The following SETD9 variants were observed in gnomAD, a reference collection of about 807,000 sequenced individuals.
SETD9 encodes the protein SET domain-containing protein 9.
A neutral mutation model predicts 36.4 loss-of-function variants in SETD9; 37 were observed. That is an observed-to-expected ratio of 1.02 (90% CI 0.78 to 1.34). The LOEUF is 1.34. Ranked by LOEUF, SETD9 falls within the 40% of genes most tolerant of loss-of-function variation. SETD9 has a pLI of 0.00. For synonymous variants in SETD9, 128 were observed against 132.9 expected (o/e 0.96, Z 0.26); for missense variants, 323 against 353.2 (o/e 0.91, Z 0.69).
At chr5:56,914,724 A>T in intron 4 of SETD9, 137 bp from the exon 5 acceptor site, 2 of 419,472 alleles carry the variant, frequency 4.8e-6, no homozygotes, top group Non-Finnish European at 8.3e-6. Context: ...CTCTGACAGT[A>T]CCTGGAACAT....
chr5:56,928,618 T>G (rs1399609793), downstream of SETD9: 2 of 531,016 alleles, frequency 3.8e-6, no homozygotes, highest in African/African-American at 3.9e-5. Context: ...GTGGCATCTC[T>G]GAGCAAATTA....
At chr5:56,923,826 T>C (rs1749812224) in intron 5 of SETD9, 3 of 1,614,080 alleles carry the variant, frequency 1.9e-6, no homozygotes, top group Non-Finnish European at 2.5e-6. Context: ...AAACGATCCA[T>C]ATAGTCCCTG....
chr5:56,911,807 C>T (rs1426603851), intron 2 of SETD9, among the ~76,000 whole-genome samples: 1 of 152,072 alleles, frequency 6.6e-6, no homozygotes, highest in Non-Finnish European at 1.5e-5. Context: ...ATAGTATGAC[C>T]CACTTTGACA....
downstream of SETD9, among the ~76,000 whole-genome samples, chr5:56,918,668 G>A (rs566020392): frequency 6.6e-6 from 1 of 152,314 alleles, no homozygotes; most frequent in African/African-American, 2.4e-5. Context: ...AGCCCTATGT[G>A]CTAAGGTCCT....
chr5:56,921,226 A>G (rs1402711387), downstream of SETD9: 1 of 152,586 alleles, frequency 6.6e-6, no homozygotes, highest in Non-Finnish European at 1.5e-5. Context: ...AATTAAGGTT[A>G]TAACAATGGA....
chr5:56,914,890 T>G lies in SETD9; in HGVS notation c.736T>G (p.Phe246Val). ...AGCAGCTAATGTCTGTTATCAGGAATTTGATGTGCCTGCAGTTTTCCCTAT... is the reference window on the plus strand; with the variant it reads ...AGCAGCTAATGTCTGTTATCAGGAAGTTGATGTGCCTGCAGTTTTCCCTAT... ...DRAANVCYQE[F>V]DVPAVFPIEL... The change falls in exon 5 of 6, where the codon TTT becomes GTT. Residue 246 changes from phenylalanine to valine, a missense_variant. Coordinates refer to ENST00000285947, the MANE Select transcript of SETD9 (RefSeq NM_153706.4). 1 of 1,601,438 alleles carries G rather than the reference T, an allele frequency of 6.2e-7. No individual in the cohort carries two copies. Among genetic ancestry groups the G allele is most frequent in the Middle Eastern group, 1.7e-4 (1 of 6,000 alleles).
chr5:56,927,328 A>G (rs1204071822), downstream of SETD9, among the ~76,000 whole-genome samples: 1 of 152,126 alleles, frequency 6.6e-6, no homozygotes, highest in East Asian at 1.9e-4. Flanking sequence ...TATAATAATA[A>G]CTATAGGAGT....
Position 56,910,128 on chromosome 5 carries a change from G to A in SETD9, c.98+385G>A, listed in dbSNP as rs1749035328. The A allele has an allele frequency of 6.5e-6, 8 of 1,236,168 alleles. No individual in the cohort carries two copies. In the South Asian group the frequency reaches 1.2e-4, roughly 19 times the overall value. 76.6% of individuals were successfully genotyped at this position (1,236,168 alleles called of 1,614,324 possible). A position where few individuals can be genotyped will look rare whatever the true frequency, so the allele number is the denominator to read the frequency against. The stretch of plus-strand genomic sequence containing the variant: ...TGTTGCGTTCGGCACTGACTGGGGA[G>A]CTTGTATCTGGGCAAAAATGGAAAC... On this transcript the variant is annotated intron_variant, in intron 1 of 5. Transcript: ENST00000285947.
chr5:56,923,143 G>A (rs780977414), intron 5 of SETD9: 49 of 1,613,624 alleles, frequency 3.0e-5, no homozygotes, highest in East Asian at 4.5e-5. Flanking sequence ...CAGAGTGTAG[G>A]GCCGCGTGCT....
In SETD9 at chr5:56,909,735, C is replaced by T. The variant is rs199504019; in HGVS notation, c.90C>T (p.His30=). The T allele has an allele frequency of 1.6e-5, 25 of 1,610,406 alleles. No individual in the cohort carries two copies. In the East Asian group the frequency reaches 4.9e-4, roughly 32 times the overall value. ...CCTGGATCGCACTGAACCTAAGCCA[C>T]AACCCGAGGTGAGAGGGCGGGACGG... ...FVPWIALNLS[H]NPRTLRYVPE... The change falls in exon 1 of 6, where the codon CAC becomes CAT. Residue 30 remains histidine, a synonymous_variant. Transcript: ENST00000285947.
At chr5:56,915,746 T>C (rs1749393023) in intron 5 of SETD9, among the ~76,000 whole-genome samples, 1 of 151,170 alleles carries the variant, frequency 6.6e-6, no homozygotes, top group African/African-American at 2.4e-5. Flanking sequence ...GGTGGATTGC[T>C]TGAGCACAGG....
At chr5:56,911,593 A>G in intron 2 of SETD9, 57 bp downstream of exon 2, 2 of 1,469,844 alleles carry the variant, frequency 1.4e-6, no homozygotes, top group Non-Finnish European at 1.8e-6. Flanking sequence ...GATAAACATA[A>G]GTTCAGTAAC....
chr5:56,911,045 C>T, intron 1 of SETD9, 124 bp from the exon 2 acceptor site: 4 of 1,129,886 alleles, frequency 3.5e-6, no homozygotes, highest in Non-Finnish European at 4.9e-6. Context: ...AACTTAGTTT[C>T]CAGCCCTCCA....
In SETD9 at chr5:56,911,447, A is replaced by C. The variant is rs1194527438; in HGVS notation, c.377A>C (p.Gln126Pro). ...LYKTLGFSVA[Q>P]ATSSLISAGK... ...AAGACTTTGGGTTTCAGTGTTGCCC[A>C]AGCAACTAGCTCATTGATTTCTGCT... Residue 126 changes from glutamine to proline, a missense_variant, in exon 2 of 6, where the codon CAA (glutamine) becomes CCA (proline). Physicochemically the swap from Gln to Pro is moderately conservative, Grantham distance 76. Coordinates refer to ENST00000285947, the MANE Select transcript of SETD9 (RefSeq NM_153706.4). The C allele has an allele frequency of 1.2e-6, 2 of 1,612,328 alleles. No homozygotes were observed. The highest frequency in any genetic ancestry group is 2.7e-5 in the African/African-American group (2 of 74,798).
chr5:56,909,809 G>T (rs926357907), intron 1 of SETD9, 66 bp downstream of exon 1: 45 of 1,472,504 alleles, frequency 3.1e-5, no homozygotes, highest in Admixed American at 3.7e-5. Flanking sequence ...CCACGGCGGC[G>T]GGACGCAAAG....
In SETD9 at chr5:56,911,123, T is replaced by C. The variant is rs1749095423; in HGVS notation, c.99-46T>C. The C allele has an allele frequency of 4.7e-6, 7 of 1,496,502 alleles. No homozygotes were observed. The South Asian group carries it at 1.0e-4, about 22-fold the overall frequency. The allele number at this position is 1,496,502 out of a possible 1,614,324, so 92.7% of individuals were successfully genotyped here. A position where few individuals can be genotyped will look rare whatever the true frequency, so the allele number is the denominator to read the frequency against. On this transcript the variant is annotated intron_variant, in intron 1 of 5. Coordinates refer to ENST00000285947, the MANE Select transcript of SETD9 (RefSeq NM_153706.4). ...CAGAAGTTATGCAGGTAAGTTTGGCTTTTATCAGTTGAAGGGTAGTGAATA... is the reference window on the plus strand; with the variant it reads ...CAGAAGTTATGCAGGTAAGTTTGGCCTTTATCAGTTGAAGGGTAGTGAATA...
At chr5:56,918,994 CAAATAAT>C (rs1330445344), downstream of SETD9, among the ~76,000 whole-genome samples, 1 of 152,072 alleles carries the variant, frequency 6.6e-6, no homozygotes, top group African/African-American at 2.4e-5. Flanking sequence ...TGTAGTCTGT[CAAATAAT>C]AATAATATTT....
chr5:56,909,402 G>A (rs1187099075), upstream of SETD9: 1 of 404,282 alleles, frequency 2.5e-6, no homozygotes, highest in Non-Finnish European at 4.4e-6. Flanking sequence ...AGCGACCGGA[G>A]AAAGAAAAAG....
At chr5:56,910,024 G>A (rs189037730) in intron 1 of SETD9, 28 of 1,350,910 alleles carry the variant, frequency 2.1e-5, no homozygotes, top group Middle Eastern at 5.7e-4. Context: ...CGGGGCCTAT[G>A]GCCTCTTTCC....
Sources: allele counts gnomAD v4.1 joint callset (sites outside exome capture counted in the v4.1 genomes callset), GRCh38; gene constraint gnomAD v4.1.1; transcripts MANE v1.5; gene names NCBI Gene and HGNC (gene_info 2026-07-23, HGNC 2026-07-21).